Variants in EYS observed in about 807,000 individuals in gnomAD.
EYS encodes protein eyes shut homolog.
EYS carries 250 observed loss-of-function variants against 282.1 expected under a neutral mutation model. The ratio of observed to expected loss-of-function variants is 0.89; its 90% CI spans 0.80 to 0.98. The LOEUF (loss-of-function observed/expected upper bound fraction) is 0.98, where lower values mean the gene tolerates loss of function less well. Ranked by LOEUF, EYS falls within the 50% of genes least tolerant of loss-of-function variation. The pLI is 0.00. For missense variants in EYS, 4,016 were observed against 3,709.0 expected (o/e 1.08, Z -2.15); for synonymous variants, 1,355 against 1,282.9 (o/e 1.06, Z -1.20).
intron 33 of EYS, among the ~76,000 whole-genome samples, chr6:64,011,585 AGTTT>A (rs1582128653): frequency 6.8e-6 from 1 of 147,558 alleles, no homozygotes; most frequent in South Asian, 2.1e-4. Context: ...TAAGTAAAGT[AGTTT>A]GTTTTTTTTT....
At chr6:65,618,469 G>C (rs1335406797) in intron 2 of EYS, among the ~76,000 whole-genome samples, 1 of 152,190 alleles carries the variant, frequency 6.6e-6, no homozygotes, top group Non-Finnish European at 1.5e-5. Flanking sequence ...TGTCAGATGA[G>C]TAGGTTGCAA....
chr6:63,981,493 C>T (rs753539677), intron 35 of EYS, among the ~76,000 whole-genome samples: 56 of 151,858 alleles, frequency 3.7e-4, no homozygotes, highest in Non-Finnish European at 7.1e-4. Context: ...CTGTATGCAA[C>T]GGTGTAAGTA....
intron 35 of EYS, among the ~76,000 whole-genome samples, chr6:63,974,138 T>C (rs1230782943): frequency 6.6e-6 from 1 of 152,102 alleles, no homozygotes; most frequent in Non-Finnish European, 1.5e-5. Flanking sequence ...TTTCATTTTG[T>C]TTGTCAAGCT....
intron 31 of EYS, among the ~76,000 whole-genome samples, chr6:64,101,987 C>T (rs76558453): frequency 2.0e-5 from 3 of 151,800 alleles, no homozygotes; most frequent in South Asian, 2.1e-4. Flanking sequence ...TATCTGACAG[C>T]GGGTGGAGCT....
intron 35 of EYS, among the ~76,000 whole-genome samples, chr6:63,881,816 G>C (rs1022102461): frequency 3.9e-5 from 6 of 152,072 alleles, no homozygotes; most frequent in African/African-American, 1.4e-4. Context: ...TATATTAGTT[G>C]TTTTCAATCT....
chr6:64,008,779 G>C (rs1768467680), intron 33 of EYS, among the ~76,000 whole-genome samples: 1 of 152,176 alleles, frequency 6.6e-6, no homozygotes, highest in South Asian at 2.1e-4. Flanking sequence ...TTTAAGAATG[G>C]TGAATATAGG....
intron 29 of EYS, among the ~76,000 whole-genome samples, chr6:64,334,493 C>T (rs552430740): frequency 1.3e-5 from 2 of 152,160 alleles, no homozygotes; most frequent in African/African-American, 2.4e-5. Context: ...GAATGGCCCC[C>T]TGAAAGAATT....
chr6:63,840,238 G>T (rs1268959199), intron 36 of EYS, among the ~76,000 whole-genome samples: 1 of 26,946 alleles, frequency 3.7e-5, no homozygotes, highest in African/African-American at 1.3e-4. Context: ...TATTATTATT[G>T]TATTTTTAGT....
intron 41 of EYS, among the ~76,000 whole-genome samples, chr6:63,746,458 G>A (rs962615221): frequency 2.4e-4 from 36 of 152,122 alleles, no homozygotes; most frequent in Non-Finnish European, 3.1e-4. Context: ...TTACAAAGGA[G>A]GCCCTCTTTT....
intron 12 of EYS, among the ~76,000 whole-genome samples, chr6:65,150,013 A>T (rs1228729672): frequency 1.3e-5 from 2 of 152,056 alleles, no homozygotes; most frequent in African/African-American, 4.8e-5. Context: ...TTACAAAACC[A>T]TCAGATCTCA....
intron 35 of EYS, among the ~76,000 whole-genome samples, chr6:63,956,027 C>A (rs1765802834): frequency 6.6e-6 from 1 of 152,196 alleles, no homozygotes; most frequent in Non-Finnish European, 1.5e-5. Context: ...GGTTCCCACA[C>A]CACCCCTAAT....
chr6:64,764,188 T>C (rs565166803), intron 22 of EYS, among the ~76,000 whole-genome samples: 1 of 152,366 alleles, frequency 6.6e-6, no homozygotes, highest in South Asian at 2.1e-4. Flanking sequence ...ACATTTCCCT[T>C]CTGCACTGCC....
intron 15 of EYS, among the ~76,000 whole-genome samples, chr6:64,939,676 A>G (rs1769023546): frequency 6.6e-6 from 1 of 151,576 alleles, no homozygotes; most frequent in Non-Finnish European, 1.5e-5. Context: ...ATACACACAC[A>G]CACACACACA....
chr6:64,699,094 G>A (rs764252377), intron 22 of EYS, among the ~76,000 whole-genome samples: 29 of 152,000 alleles, frequency 1.9e-4, no homozygotes, highest in East Asian at 1.2e-3. Context: ...ATGACAGATC[G>A]GATAAAGAAA....
intron 31 of EYS, among the ~76,000 whole-genome samples, chr6:64,187,541 T>A (rs146655416): frequency 3.5e-3 from 529 of 152,050 alleles, no homozygotes; most frequent in Middle Eastern, 6.8e-3. Flanking sequence ...ATAAAAAAAA[T>A]TTATAACAGT....
At chr6:65,329,993 T>C (rs550424155) in intron 11 of EYS, 168 of 983,388 alleles carry the variant, frequency 1.7e-4, no homozygotes, top group Non-Finnish European at 2.0e-4. Context: ...TAAAATAGCC[T>C]GTAAAGGAAA....
intron 1 of EYS, among the ~76,000 whole-genome samples, chr6:65,694,918 T>G (rs1769387931): frequency 6.6e-6 from 1 of 151,938 alleles, no homozygotes; most frequent in Non-Finnish European, 1.5e-5. Context: ...AAATATAAAA[T>G]TTGATATAAT....
chr6:64,000,316 C>A (rs1331726736), intron 33 of EYS, among the ~76,000 whole-genome samples: 1 of 150,194 alleles, frequency 6.7e-6, no homozygotes. Flanking sequence ...CTCAGCCTCC[C>A]GAGTAGCTGG....
intron 35 of EYS, among the ~76,000 whole-genome samples, chr6:63,894,776 A>G (rs1773494517): frequency 6.6e-6 from 1 of 151,518 alleles, no homozygotes; most frequent in Non-Finnish European, 1.5e-5. Context: ...TTTAGTAGAG[A>G]TGGGGTTTCA....
Sources: allele counts gnomAD v4.1 joint callset (sites outside exome capture counted in the v4.1 genomes callset), GRCh38; gene constraint gnomAD v4.1.1; transcripts MANE v1.5; gene names NCBI Gene and HGNC (gene_info 2026-07-23, HGNC 2026-07-21).